The following RBFOX3 variants were observed in gnomAD, a reference collection of about 807,000 sequenced individuals.
RBFOX3 encodes RNA binding protein fox-1 homolog 3.
In RBFOX3, 17 loss-of-function variants were observed where a neutral mutation model predicts 48.7. That is an observed-to-expected ratio of 0.35 (90% CI 0.24 to 0.52). The LOEUF (loss-of-function observed/expected upper bound fraction) is 0.52. RBFOX3 is among the 20% of genes least tolerant of loss of function. The pLI, the probability that RBFOX3 is intolerant of heterozygous loss-of-function variation, is 0.94. For missense variants in RBFOX3, 382 were observed against 497.5 expected, an observed-to-expected ratio of 0.77 and a Z score of 2.21; for synonymous variants, 212 against 209.5, an observed-to-expected ratio of 1.01 and a Z score of -0.10.
intron 2 of RBFOX3, among the ~76,000 whole-genome samples, chr17:79,472,644 T>A (rs2077191647): frequency 6.6e-6 from 1 of 152,146 alleles, no homozygotes; most frequent in Non-Finnish European, 1.5e-5. Context: ...TTTGAGAAAA[T>A]TAACCTCTGT....
upstream of RBFOX3, among the ~76,000 whole-genome samples, chr17:79,615,493 TG>T: frequency 6.6e-6 from 1 of 152,076 alleles, no homozygotes; most frequent in Admixed American, 6.5e-5. Flanking sequence ...AGCAGGGTGG[TG>T]GCATGTCCAG....
intron 1 of RBFOX3, among the ~76,000 whole-genome samples, chr17:79,499,741 A>T (rs1440541246): frequency 6.6e-6 from 1 of 152,266 alleles, no homozygotes; most frequent in Non-Finnish European, 1.5e-5. Context: ...GAAACAGATG[A>T]GACCGTGTAT....
intron 1 of RBFOX3, among the ~76,000 whole-genome samples, chr17:79,517,091 G>A (rs1393002505): frequency 2.0e-5 from 3 of 152,112 alleles, no homozygotes; most frequent in Admixed American, 2.0e-4. Context: ...GCCACTGGCT[G>A]AACTGTGCCC....
intron 2 of RBFOX3, among the ~76,000 whole-genome samples, chr17:79,310,266 G>T (rs1207102981): frequency 6.6e-6 from 1 of 152,152 alleles, no homozygotes; most frequent in South Asian, 2.1e-4. Context: ...TTCCCTGAAG[G>T]CCTGGGGGTT....
chr17:79,168,494 G>T (rs1040965328), intron 4 of RBFOX3, among the ~76,000 whole-genome samples: 1 of 152,240 alleles, frequency 6.6e-6, no homozygotes, highest in African/African-American at 2.4e-5. Context: ...GCCCAAGGGG[G>T]TTGGCCCCAC....
At chr17:79,405,091 G>T (rs2063364050) in intron 2 of RBFOX3, among the ~76,000 whole-genome samples, 1 of 152,116 alleles carries the variant, frequency 6.6e-6, no homozygotes, top group South Asian at 2.1e-4. Flanking sequence ...TCCAAAAATA[G>T]CCCTTTACGT....
At chr17:79,663,512 G>C in the RBFOX3 span, among the ~76,000 whole-genome samples, 3 of 152,194 alleles carry the variant, frequency 2.0e-5, no homozygotes, top group Admixed American at 2.0e-4. Context: ...AAACATCACA[G>C]GGTGTTTCCC....
At chr17:79,355,226 T>A (rs571690982) in intron 2 of RBFOX3, among the ~76,000 whole-genome samples, 1 of 152,304 alleles carries the variant, frequency 6.6e-6, no homozygotes, top group Non-Finnish European at 1.5e-5. Flanking sequence ...AAGAAGAAAG[T>A]TCTTCCGAGG....
At chr17:79,247,310 A>ATATTTT (rs769318981) in intron 3 of RBFOX3, among the ~76,000 whole-genome samples, 2 of 116,570 alleles carry the variant, frequency 1.7e-5, no homozygotes, top group African/African-American at 6.6e-5. Context: ...ACATAATCGT[A>ATATTTT]TTTTTTTTTT....
chr17:79,122,699 C>CT (rs1326335759), intron 4 of RBFOX3, among the ~76,000 whole-genome samples: 6 of 97,762 alleles, frequency 6.1e-5, no homozygotes, highest in African/African-American at 2.2e-4. Flanking sequence ...AATCCCACCT[C>CT]TGAGTATGTT....
intron 3 of RBFOX3, among the ~76,000 whole-genome samples, chr17:79,266,240 T>C (rs2066679621): frequency 6.6e-6 from 1 of 152,190 alleles, no homozygotes; most frequent in Non-Finnish European, 1.5e-5. Flanking sequence ...CCCCAGCTGA[T>C]GTGGGAGCCT....
Position 79,103,129 on chromosome 17 carries a change from G to A in RBFOX3, c.507+33C>T. 1.3e-6 allele frequency: 2 copies of A among 1,492,566 alleles called. No individual in the cohort carries two copies. Among genetic ancestry groups the A allele is most frequent in the Non-Finnish European group, 9.1e-7 (1 of 1,094,124 alleles). The allele number at this position is 1,492,566 out of a possible 1,614,324, so 92.5% of individuals were successfully genotyped here. On this transcript the variant is annotated intron_variant, in intron 8 of 14. Transcript: ENST00000693108. The surrounding 1 kb of genome is among the most constrained non-coding windows in gnomAD (Gnocchi z 6.1). ...CTGGGGGGCAGGTGGGCGATCTTGG[G>A]GCATCCCTGCCGCAGCACACTTATC...
chr17:79,197,203 T>G (rs2055778876), intron 4 of RBFOX3, among the ~76,000 whole-genome samples: 1 of 152,138 alleles, frequency 6.6e-6, no homozygotes, highest in African/African-American at 2.4e-5. Flanking sequence ...CATCCTCACA[T>G]GCAGCCCTCC....
At chr17:79,326,295 A>G (rs2079312951) in intron 2 of RBFOX3, among the ~76,000 whole-genome samples, 1 of 152,082 alleles carries the variant, frequency 6.6e-6, no homozygotes, top group Non-Finnish European at 1.5e-5. Flanking sequence ...AGAAGCTAGG[A>G]GGCGCCAGGA....
At chr17:79,255,215 A>ATGTGTG (rs1491568643) in intron 3 of RBFOX3, among the ~76,000 whole-genome samples, 165 of 128,800 alleles carry the variant, frequency 1.3e-3, no homozygotes, top group Middle Eastern at 3.8e-3. Context: ...CTGTGGTCAC[A>ATGTGTG]TGTGTGCGTG....
At position 79,252,069 on chromosome 17, in the gene RBFOX3, C is replaced by G. The variant is rs1219637651; in HGVS notation, c.-73-16264G>C. 6.6e-6 allele frequency among the ~76,000 whole-genome samples: 1 copy of G among 152,210 alleles called. No homozygotes were observed. The highest frequency in any genetic ancestry group is 1.5e-5 in the Non-Finnish European group (1 of 68,042). On this transcript the variant is annotated intron_variant, in intron 3 of 14. Coordinates refer to ENST00000693108, the MANE Select transcript of RBFOX3 (RefSeq NM_001350451.2). The surrounding 1 kb of genome is among the most constrained non-coding windows in gnomAD (Gnocchi z 4.0). ...ATGAGTCTGCTGACCACGCCTCATG[C>G]CTCTGGAAGCACACTTTGTCCTGGG...
chr17:79,376,769 G>C (rs374158356), intron 2 of RBFOX3, among the ~76,000 whole-genome samples: 1 of 152,116 alleles, frequency 6.6e-6, no homozygotes, highest in East Asian at 1.9e-4. Context: ...CAGGGGGATG[G>C]GGGTGCTTCT....
Position 79,443,790 on chromosome 17 carries a change from G to T in RBFOX3, c.-175+38664C>A, listed in dbSNP as rs920477653. On this transcript the variant is annotated intron_variant, in intron 2 of 14. Coordinates refer to ENST00000693108, the MANE Select transcript of RBFOX3 (RefSeq NM_001350451.2). This position sits in a 1 kb window ranked among gnomAD's most constrained non-coding sequence, Gnocchi z 4.4. ...ACCACACTGTCCCACTGCCTCCCTCGGCCCCCGACCCTTTATTTGCTGAGC... is the reference window on the plus strand; with the variant it reads ...ACCACACTGTCCCACTGCCTCCCTCTGCCCCCGACCCTTTATTTGCTGAGC... Among the ~76,000 whole-genome samples the T allele has an allele frequency of 1.3e-5, 2 of 151,948 alleles. No homozygotes were observed. The highest frequency in any genetic ancestry group is 4.8e-5 in the African/African-American group (2 of 41,340).
chr17:79,259,812 G>A (rs1008431523), intron 3 of RBFOX3, among the ~76,000 whole-genome samples: 9 of 152,122 alleles, frequency 5.9e-5, no homozygotes, highest in African/African-American at 1.2e-4. Context: ...TGCAGCAGGC[G>A]CCATTCTCAG....
Sources: allele counts gnomAD v4.1 joint callset (sites outside exome capture counted in the v4.1 genomes callset), GRCh38; gene constraint gnomAD v4.1.1; non-coding constraint Gnocchi (gnomAD v3.1); transcripts MANE v1.5; gene names NCBI Gene and HGNC (gene_info 2026-07-23, HGNC 2026-07-21).